The following HID1 variants were observed in gnomAD, a reference collection of about 807,000 sequenced individuals.
HID1 encodes protein HID1.
Under a neutral mutation model 89.7 loss-of-function variants are expected in HID1, and 42 were observed. The ratio of observed to expected loss-of-function variants is 0.47; its 90% CI spans 0.37 to 0.61. The LOEUF (loss-of-function observed/expected upper bound fraction) is 0.61, where lower values mean the gene tolerates loss of function less well. HID1 is among the 20% of genes least tolerant of loss of function. The pLI is 0.00. For synonymous variants in HID1, 442 were observed against 433.8 expected, an observed-to-expected ratio of 1.02 and a Z score of -0.24; for missense variants, 854 against 1,039.3, an observed-to-expected ratio of 0.82 and a Z score of 2.45.
intron 12 of HID1, among the ~76,000 whole-genome samples, chr17:74,956,662 G>A (rs1017157723): frequency 4.6e-5 from 7 of 152,112 alleles, no homozygotes; most frequent in Non-Finnish European, 1.0e-4. Context: ...CTCTACCACC[G>A]CACACTACCC....
At chr17:74,954,093 G>T in intron 14 of HID1, 45 bp downstream of exon 14, 1 of 1,519,454 alleles carries the variant, frequency 6.6e-7, no homozygotes, top group Non-Finnish European at 9.0e-7. Context: ...CCCTCCCCCA[G>T]CCACACCAGT....
rs1567959366 is a variant in HID1 at position 74,957,598 on chromosome 17, A to AATT, written c.1471+542_1471+543insAAT. Among the ~76,000 whole-genome samples, 11 of 147,346 alleles carry AATT rather than the reference A, an allele frequency of 7.5e-5. No homozygotes were observed. In the East Asian group the frequency reaches 2.2e-3, roughly 30 times the overall value. On this transcript the variant is annotated intron_variant, in intron 12 of 18. Coordinates refer to ENST00000425042, the MANE Select transcript of HID1 (RefSeq NM_030630.3). ...TTCAGATGTCAAAAAAAATTGTTAA[A>AATT]TTTTTTTTTTTTAAAAAAAGGCCAG...
At chr17:74,971,234 T>G (rs2039642454) in intron 1 of HID1, among the ~76,000 whole-genome samples, 2 of 152,112 alleles carry the variant, frequency 1.3e-5, no homozygotes, top group Admixed American at 1.3e-4. Context: ...GGAGCCTCCC[T>G]TCCTCCCTGC....
Position 74,951,309 on chromosome 17 carries a change from C to A in HID1, c.*261G>T. ...TGAGCCAGGTCTTAAAGAGGGAGTC[C>A]GAGTGTTGGGGGCAGTGGTCTCTGG... is the stretch of plus-strand genomic sequence containing the variant. On this transcript the variant is annotated 3_prime_UTR_variant, in exon 19 of 19. Transcript: ENST00000425042. 1.8e-6 allele frequency: 1 copy of A among 549,782 alleles called. No homozygotes were observed. Among genetic ancestry groups the A allele is most frequent in the South Asian group, 2.3e-5 (1 of 43,078 alleles). The allele number at this position is 549,782 out of a possible 1,614,324, so 34.1% of individuals were successfully genotyped here. A position where few individuals can be genotyped will look rare whatever the true frequency, so the allele number is the denominator to read the frequency against.
At chr17:74,965,628 C>A (rs990794596) in intron 1 of HID1, among the ~76,000 whole-genome samples, 1 of 152,190 alleles carries the variant, frequency 6.6e-6, no homozygotes, top group Admixed American at 6.6e-5. Context: ...CTTAAAAACA[C>A]ACATGCCCAG....
chr17:74,964,718 G>T, intron 1 of HID1, 86 bp from the exon 2 acceptor site: 38 of 1,407,876 alleles, frequency 2.7e-5, no homozygotes, highest in Non-Finnish European at 3.6e-5. Context: ...GAGAGACCCT[G>T]AGAGGGAAGC....
At chr17:74,956,723 A>G (rs1172180581) in intron 12 of HID1, among the ~76,000 whole-genome samples, 1 of 152,100 alleles carries the variant, frequency 6.6e-6, no homozygotes, top group African/African-American at 2.4e-5. Flanking sequence ...CCTAGCCACA[A>G]CCATCCTCTC....
intron 15 of HID1, among the ~76,000 whole-genome samples, chr17:74,953,342 G>A (rs563437863): frequency 2.2e-4 from 33 of 152,268 alleles, no homozygotes; most frequent in Middle Eastern, 3.4e-3. Flanking sequence ...GGGCTTCACC[G>A]GAACCAGTAA....
Position 74,972,386 on chromosome 17 carries a change from G to A in HID1, c.66+205C>T, listed in dbSNP as rs191763437. Among the ~76,000 whole-genome samples the A allele has an allele frequency of 2.6e-5, 4 of 152,318 alleles. No homozygotes were observed. The highest frequency in any genetic ancestry group is 5.9e-5 in the Non-Finnish European group (4 of 68,012). On this transcript the variant is annotated intron_variant, in intron 1 of 18. Coordinates refer to ENST00000425042, the MANE Select transcript of HID1 (RefSeq NM_030630.3). This position sits in a 1 kb window ranked among gnomAD's most constrained non-coding sequence, Gnocchi z 6.4. ...TTCGGGGAGAGGGGTGTTCCCAGGA[G>A]AGGAGGCTGAGGGTGGGGGACTAGG...
intron 12 of HID1, among the ~76,000 whole-genome samples, chr17:74,957,597 A>T (rs2039409312): frequency 6.6e-6 from 1 of 151,698 alleles, no homozygotes; most frequent in Non-Finnish European, 1.5e-5. Flanking sequence ...AAAATTGTTA[A>T]ATTTTTTTTT....
In HID1 at chr17:74,962,096, C is replaced by T. The variant is rs2039490239; in HGVS notation, c.612-107G>A. 3 of 1,110,342 alleles carry T rather than the reference C, an allele frequency of 2.7e-6. No homozygotes were observed. Among genetic ancestry groups the T allele is most frequent in the South Asian group, 3.2e-5 (2 of 61,878 alleles). The allele number at this position is 1,110,342 out of a possible 1,614,324, so 68.8% of individuals were successfully genotyped here. A position where few individuals can be genotyped will look rare whatever the true frequency, so the allele number is the denominator to read the frequency against. On this transcript the variant is annotated intron_variant, in intron 5 of 18. Transcript: ENST00000425042. The surrounding 1 kb of genome is among the most constrained non-coding windows in gnomAD (Gnocchi z 4.3). ...CAGGTCCATGGAAGGAAGTTACTCC[C>T]GTTGACCCCTGTAAGGTCAAGGTCG...
intron 6 of HID1, 62 bp downstream of exon 6, chr17:74,961,811 C>A: frequency 1.9e-6 from 2 of 1,043,202 alleles, no homozygotes; most frequent in Non-Finnish European, 2.7e-6. Context: ...GGCGAATGGA[C>A]TCAGCTCTGG....
intron 1 of HID1, among the ~76,000 whole-genome samples, chr17:74,965,790 G>A (rs1339989999): frequency 2.0e-5 from 3 of 151,786 alleles, no homozygotes; most frequent in Admixed American, 6.6e-5. Context: ...GGTGGCAGGC[G>A]CCTGTAATCC....
In HID1 at chr17:74,951,581, G is replaced by C. The variant is rs747486734; in HGVS notation, c.2356C>G (p.Gln786Glu). 2 of 1,612,060 alleles carry C rather than the reference G, an allele frequency of 1.2e-6. No individual in the cohort carries two copies. The highest frequency in any genetic ancestry group is 2.2e-5 in the South Asian group (2 of 90,396). Residue 786 changes from glutamine to glutamate, a missense_variant, in exon 19 of 19, where the codon CAG becomes GAG. Gln to Glu is a conservative substitution (Grantham distance 29, BLOSUM62 2). Coordinates refer to ENST00000425042, the MANE Select transcript of HID1 (RefSeq NM_030630.3). ...CGTCGGCTTCATCCTCACACCCGCT[G>C]TATCTCAAACAGCTTCACGTCGGTG... The part of the protein sequence containing the change: ...YDTDVKLFEI[Q>E]RV
In HID1 at chr17:74,953,550, T is replaced by C. The variant is rs756491284; in HGVS notation, c.1966A>G (p.Lys656Glu). ...CAGGAGTCCCCGTCACCCACCCCCTTAGCCGGGCTGCCATCCTCCAAGCTC... is the reference window on the plus strand; with the variant it reads ...CAGGAGTCCCCGTCACCCACCCCCTCAGCCGGGCTGCCATCCTCCAAGCTC... Reference protein sequence around the residue: ...QQSLEDGSPAKGEPSQAWREQ... With the variant: ...QQSLEDGSPAEGEPSQAWREQ... The change falls in exon 15 of 19, where the codon AAG becomes GAG. Residue 656 changes from lysine to glutamate, a missense_variant. Transcript: ENST00000425042. 22 of 1,613,498 alleles carry C rather than the reference T, an allele frequency of 1.4e-5. No individual in the cohort carries two copies. The highest frequency in any genetic ancestry group is 4.0e-5 in the African/African-American group (3 of 74,842).
Position 74,959,059 on chromosome 17 carries a change from C to T in HID1, c.1009-8G>A, listed in dbSNP as rs772384522. The T allele has an allele frequency of 7.7e-6, 12 of 1,550,552 alleles. No homozygotes were observed. The Middle Eastern group carries it at 5.3e-4, about 69-fold the overall frequency. On this transcript the variant is annotated splice_polypyrimidine_tract_variant and splice_region_variant and intron_variant, in intron 8 of 18. Coordinates refer to ENST00000425042, the MANE Select transcript of HID1 (RefSeq NM_030630.3). This position sits in a 1 kb window ranked among gnomAD's most constrained non-coding sequence, Gnocchi z 4.6. ...GAGGATGAACTGGAAGTCCTGGGGG[C>T]GAGGGCAGAGCAGGGGGCCTGTCCA... is the stretch of plus-strand genomic sequence containing the variant.
rs150083005 is a variant in HID1 at position 74,958,922 on chromosome 17, C to A, written c.1138G>T (p.Asp380Tyr). Residue 380 changes from aspartate to tyrosine, a missense_variant, in exon 9 of 19, where the codon GAC becomes TAC. Physicochemically the swap from Asp to Tyr is radical, Grantham distance 160 (BLOSUM62 -3). Transcript: ENST00000425042. This position sits in a 1 kb window ranked among gnomAD's most constrained non-coding sequence, Gnocchi z 5.2. ...CGAGGCTGGCCCACCTTGTTGAAGT[C>A]GCAGAGCTTCCAGAAGAGAACTAGC... ...ELLVLFWKLCDFNKKFLFFVL... is the reference protein window; with the variant it reads ...ELLVLFWKLCYFNKKFLFFVL... 1.9e-6 allele frequency: 3 copies of A among 1,592,568 alleles called. No individual in the cohort carries two copies. The highest frequency in any genetic ancestry group is 1.1e-5 in the South Asian group (1 of 88,146).
At chr17:74,969,922 C>CTTTTTT (rs61436029) in intron 1 of HID1, among the ~76,000 whole-genome samples, 8 of 112,160 alleles carry the variant, frequency 7.1e-5, no homozygotes, top group African/African-American at 1.4e-4. Flanking sequence ...TTTCTTTTTT[C>CTTTTTT]TTTTTTTTTT....
chr17:74,952,894 T>A (rs2039326787), intron 16 of HID1, 112 bp downstream of exon 16: 1 of 781,582 alleles, frequency 1.3e-6, no homozygotes, highest in Admixed American at 2.8e-5. Context: ...TTCGGACATC[T>A]TGCCATCTTC....
Sources: allele counts gnomAD v4.1 joint callset (sites outside exome capture counted in the v4.1 genomes callset), GRCh38; gene constraint gnomAD v4.1.1; non-coding constraint Gnocchi (gnomAD v3.1); transcripts MANE v1.5; gene names NCBI Gene and HGNC (gene_info 2026-07-23, HGNC 2026-07-21).